The following TENM2 variants were observed in gnomAD, a reference collection of about 807,000 sequenced individuals.
TENM2 encodes the protein teneurin transmembrane protein 2, also known as teneurin-2.
TENM2 carries 52 observed loss-of-function variants against 245.2 expected under a neutral mutation model. The ratio of observed to expected loss-of-function variants is 0.21; its 90% CI spans 0.17 to 0.27. TENM2 has a LOEUF of 0.27. Among genes scored for constraint, TENM2 ranks in the 10% least tolerant of loss-of-function variants. TENM2 has a pLI of 1.00. For synonymous variants in TENM2, 1,363 were observed against 1,438.9 expected (o/e 0.95, Z 1.19); for missense variants, 3,046 against 3,666.8 (o/e 0.83, Z 4.37).
chr5:167,555,846 T>C (rs1773229783), intron 2 of TENM2, among the ~76,000 whole-genome samples: 1 of 152,154 alleles, frequency 6.6e-6, no homozygotes, highest in African/African-American at 2.4e-5. Flanking sequence ...TGAAATGAGC[T>C]TGGTCGAGCC....
At chr5:167,851,478 A>G (rs879849679) in intron 2 of TENM2, among the ~76,000 whole-genome samples, 1 of 152,206 alleles carries the variant, frequency 6.6e-6, no homozygotes, top group Admixed American at 6.5e-5. Context: ...AAGAGCTGTT[A>G]TCCATATCCT....
At chr5:167,964,850 A>G (rs1370366575) in intron 4 of TENM2, among the ~76,000 whole-genome samples, 1 of 152,198 alleles carries the variant, frequency 6.6e-6, no homozygotes, top group African/African-American at 2.4e-5. Context: ...GGACCATGTT[A>G]AAGCTTTTGG....
the TENM2 span, among the ~76,000 whole-genome samples, chr5:167,138,232 C>G: frequency 6.6e-6 from 1 of 152,150 alleles, no homozygotes; most frequent in Non-Finnish European, 1.5e-5. Flanking sequence ...AAAGAGGAAT[C>G]TAGCTGTAGA....
the TENM2 span, among the ~76,000 whole-genome samples, chr5:167,237,803 G>C: frequency 6.6e-6 from 1 of 152,048 alleles, no homozygotes; most frequent in African/African-American, 2.4e-5. Context: ...ATGAGGTCAG[G>C]AGTTCAAGAC....
chr5:167,092,004 G>A, the TENM2 span, among the ~76,000 whole-genome samples: 1 of 152,122 alleles, frequency 6.6e-6, no homozygotes, highest in African/African-American at 2.4e-5. Context: ...AGCAGGTTCT[G>A]GTGGTGGGCT....
chr5:167,342,861 T>C (rs1758206173), intron 1 of TENM2, among the ~76,000 whole-genome samples: 1 of 27,460 alleles, frequency 3.6e-5, no homozygotes, highest in Non-Finnish European at 8.9e-5. Context: ...CATGATGCAT[T>C]TTTTTTTTTT....
intron 9 of TENM2, among the ~76,000 whole-genome samples, chr5:168,109,595 C>A (rs1484241971): frequency 6.6e-6 from 1 of 152,234 alleles, no homozygotes; most frequent in Non-Finnish European, 1.5e-5. Flanking sequence ...ATTTCTGATT[C>A]AGTAGGTCTG....
At chr5:167,137,059 T>C in the TENM2 span, among the ~76,000 whole-genome samples, 1 of 152,306 alleles carries the variant, frequency 6.6e-6, no homozygotes. Context: ...CTGAGACTTC[T>C]CATGGCAGAG....
chr5:168,158,850 T>TACATACACAC (rs1554210816), intron 12 of TENM2, among the ~76,000 whole-genome samples: 1 of 62,334 alleles, frequency 1.6e-5, no homozygotes, highest in African/African-American at 6.1e-5. Flanking sequence ...TATATATATA[T>TACATACACAC]ACACACACAC....
intron 3 of TENM2, among the ~76,000 whole-genome samples, chr5:167,904,689 A>G (rs1233910961): frequency 2.0e-5 from 3 of 152,240 alleles, no homozygotes; most frequent in Non-Finnish European, 4.4e-5. Context: ...TCTGTCTTGT[A>G]TTCAGAAAAC....
chr5:167,820,506 C>G (rs961583166), intron 2 of TENM2, among the ~76,000 whole-genome samples: 6 of 152,108 alleles, frequency 3.9e-5, no homozygotes, highest in Admixed American at 6.6e-5. Context: ...GTTGGATGTG[C>G]CAGGGAGAAG....
chr5:168,218,451 C>T lies in TENM2; in HGVS notation c.4560C>T (p.Cys1520=), dbSNP rs745924227. ...TTTTAGCTGGGGCAGCCTCGGACTG[C>T]GACTGCAAAAACGATGTCAATTGCA... is the stretch of plus-strand genomic sequence containing the variant. The change falls in exon 23 of 29, where the codon TGC becomes TGT. Residue 1520 remains cysteine, a synonymous_variant. Transcript: ENST00000518659. This position sits in a 1 kb window ranked among gnomAD's most constrained non-coding sequence, Gnocchi z 5.2. The T allele has an allele frequency of 3.1e-6, 5 of 1,614,018 alleles. No homozygotes were observed. Among genetic ancestry groups the T allele is most frequent in the South Asian group, 1.1e-5 (1 of 91,074 alleles).
intron 13 of TENM2, among the ~76,000 whole-genome samples, chr5:168,175,070 A>C (rs1184556015): frequency 6.6e-6 from 1 of 152,108 alleles, no homozygotes; most frequent in African/African-American, 2.4e-5. Context: ...GTACATTCTG[A>C]CTCAGGTTCT....
the TENM2 span, among the ~76,000 whole-genome samples, chr5:167,203,407 C>A: frequency 6.6e-6 from 1 of 152,214 alleles, no homozygotes; most frequent in Admixed American, 6.5e-5. Flanking sequence ...TTCCTTCTTT[C>A]TATCCTCTGT....
chr5:167,455,643 C>T (rs1270535046), intron 2 of TENM2, among the ~76,000 whole-genome samples: 1 of 151,956 alleles, frequency 6.6e-6, no homozygotes, highest in African/African-American at 2.4e-5. Flanking sequence ...TATGCTGTCC[C>T]AGTTATCTTT....
At chr5:168,196,885 C>G (rs949737281) in intron 15 of TENM2, among the ~76,000 whole-genome samples, 2 of 152,210 alleles carry the variant, frequency 1.3e-5, no homozygotes, top group African/African-American at 4.8e-5. Flanking sequence ...CTCTCCACTG[C>G]TTCCTGAGTA....
At chr5:167,808,738 T>A (rs1766414998) in intron 2 of TENM2, among the ~76,000 whole-genome samples, 1 of 152,190 alleles carries the variant, frequency 6.6e-6, no homozygotes, top group African/African-American at 2.4e-5. Context: ...TGTAGGATTT[T>A]AAAAAGTGTA....
chr5:168,060,227 GAAAAAA>G (rs79503783), intron 6 of TENM2, among the ~76,000 whole-genome samples: 3 of 119,650 alleles, frequency 2.5e-5, no homozygotes, highest in Non-Finnish European at 5.3e-5. Flanking sequence ...TTGTCTCTAC[GAAAAAA>G]AAAAAAAAAG....
At chr5:167,134,633 T>G in the TENM2 span, among the ~76,000 whole-genome samples, 2 of 152,226 alleles carry the variant, frequency 1.3e-5, no homozygotes, top group Non-Finnish European at 2.9e-5. Flanking sequence ...GCATATTTCC[T>G]TTATTTAGAA....
Sources: allele counts gnomAD v4.1 joint callset (sites outside exome capture counted in the v4.1 genomes callset), GRCh38; gene constraint gnomAD v4.1.1; non-coding constraint Gnocchi (gnomAD v3.1); transcripts MANE v1.5; gene names NCBI Gene and HGNC (gene_info 2026-07-23, HGNC 2026-07-21).